PPM1B: variants seen among roughly 807,000 people sequenced by gnomAD.
PPM1B encodes protein phosphatase 1B.
A neutral mutation model predicts 43.0 loss-of-function variants in PPM1B; 22 were observed. That is an observed-to-expected ratio of 0.51 (90% CI 0.37 to 0.73). The LOEUF is 0.73. Among genes scored for constraint, PPM1B ranks in the 30% least tolerant of loss-of-function variants. PPM1B has a pLI of 0.00. For synonymous variants in PPM1B, 217 were observed against 197.9 expected (o/e 1.10, Z -0.81); for missense variants, 632 against 584.2 (o/e 1.08, Z -0.84).
chr2:44,188,398 T>C (rs1458155680), intron 1 of PPM1B, among the ~76,000 whole-genome samples: 90 of 146,530 alleles, frequency 6.1e-4, no homozygotes, highest in South Asian at 3.2e-3. Flanking sequence ...TCTTTCTTTT[T>C]TTTTTTTTTT....
rs993709270 is a variant in PPM1B at position 44,199,127 on chromosome 2, G to A, written c.-14-2059G>A. ...CAAAAAATTAGCTGGGTATGGTGGCGCGTGCCTGTAACCCCAGCTACCCGG... is the reference window on the plus strand; with the variant it reads ...CAAAAAATTAGCTGGGTATGGTGGCACGTGCCTGTAACCCCAGCTACCCGG... On this transcript the variant is annotated intron_variant, in intron 1 of 5. Coordinates refer to ENST00000282412, the MANE Select transcript of PPM1B (RefSeq NM_002706.6). Among the ~76,000 whole-genome samples the A allele has an allele frequency of 9.9e-5, 15 of 151,542 alleles. No homozygotes were observed. The South Asian group carries it at 2.5e-3, about 25-fold the overall frequency.
intron 1 of PPM1B, among the ~76,000 whole-genome samples, chr2:44,189,656 G>A (rs562607621): frequency 6.6e-6 from 1 of 152,130 alleles, no homozygotes; most frequent in East Asian, 1.9e-4. Context: ...GTAGAGATGG[G>A]GTTTCGCCAT....
intron 5 of PPM1B, among the ~76,000 whole-genome samples, chr2:44,222,382 C>T (rs1212061951): frequency 1.3e-5 from 2 of 152,146 alleles, no homozygotes; most frequent in Non-Finnish European, 2.9e-5. Flanking sequence ...GTATGAAAGT[C>T]TGTATTTATA....
At chr2:44,224,067 A>G (rs1018939971) in intron 5 of PPM1B, among the ~76,000 whole-genome samples, 28 of 152,088 alleles carry the variant, frequency 1.8e-4, no homozygotes, top group African/African-American at 6.7e-4. Context: ...TAGTTTAAAA[A>G]TTTTTTTGTC....
In PPM1B at chr2:44,201,449, G is replaced by C; in HGVS notation, c.250G>C (p.Asp84His). 1 of 1,614,174 alleles carries C rather than the reference G, an allele frequency of 6.2e-7. No homozygotes were observed. The highest frequency in any genetic ancestry group is 8.5e-7 in the Non-Finnish European group (1 of 1,180,024). The change falls in exon 2 of 6, where the codon GAC (aspartate) becomes CAC (histidine). Residue 84 changes from aspartate to histidine, a missense_variant. Physicochemically the swap from Asp to His is moderately conservative, Grantham distance 81. Around this residue, in one of 3 missense-constraint regions of PPM1B, gnomAD observed 200 missense variants for 200.7 expected, o/e 1.00. Transcript: ENST00000282412. This position sits in a 1 kb window ranked among gnomAD's most constrained non-coding sequence, Gnocchi z 5.4. ...ATTAGAACACATCACTACTAACGAA[G>C]ACTTTAGGGCAGCTGGAAAATCAGG... ...HLLEHITTNE[D>H]FRAAGKSGSA...
chr2:44,212,163 C>G (rs1428832982), intron 3 of PPM1B, among the ~76,000 whole-genome samples: 1 of 152,150 alleles, frequency 6.6e-6, no homozygotes, highest in African/African-American at 2.4e-5. Flanking sequence ...ATTGTATTAT[C>G]AACTGTTTCA....
chr2:44,191,602 A>G (rs943942070), intron 1 of PPM1B, among the ~76,000 whole-genome samples: 2 of 151,958 alleles, frequency 1.3e-5, no homozygotes, highest in African/African-American at 4.8e-5. Flanking sequence ...ACTCATGGTG[A>G]TACAAGTTAA....
chr2:44,211,003 G>C (rs866854848), intron 3 of PPM1B, among the ~76,000 whole-genome samples: 1 of 152,124 alleles, frequency 6.6e-6, no homozygotes, highest in African/African-American at 2.4e-5. Context: ...GGGCGTGGTG[G>C]CAGGTGCCTG....
chr2:44,198,236 C>T (rs1280911290), intron 1 of PPM1B, among the ~76,000 whole-genome samples: 1 of 152,184 alleles, frequency 6.6e-6, no homozygotes, highest in Non-Finnish European at 1.5e-5. Context: ...TCCCGGCTCA[C>T]CACAACCTCT....
downstream of PPM1B, among the ~76,000 whole-genome samples, chr2:44,237,756 C>A (rs1670656320): frequency 6.6e-6 from 1 of 152,086 alleles, no homozygotes. Context: ...ATGAAGAGGA[C>A]CAGTACCACC....
At chr2:44,194,735 A>G (rs552382456) in intron 1 of PPM1B, among the ~76,000 whole-genome samples, 4 of 152,092 alleles carry the variant, frequency 2.6e-5, no homozygotes, top group African/African-American at 9.6e-5. Flanking sequence ...AAAAAAGAAG[A>G]AGGCTGAGCA....
Position 44,224,178 on chromosome 2 carries a change from G to A in PPM1B, c.1134+5641G>A, listed in dbSNP as rs183360656. On this transcript the variant is annotated intron_variant, in intron 5 of 5. Transcript: ENST00000282412. ...ATTTTAAGAATTTTGGTTATGGGCC[G>A]GGCACAGTGGCTCACGCCTGTAATC... Among the ~76,000 whole-genome samples, 686 of 152,006 alleles carry A rather than the reference G, an allele frequency of 4.5e-3. 4 individuals carry two copies. Among genetic ancestry groups the A allele is most frequent in the African/African-American group, 0.016 (650 of 41,510 alleles).
At chr2:44,197,076 A>G (rs2104104711) in intron 1 of PPM1B, among the ~76,000 whole-genome samples, 1 of 152,330 alleles carries the variant, frequency 6.6e-6, no homozygotes, top group South Asian at 2.1e-4. Flanking sequence ...CAAAGGTAGT[A>G]CAGAGTCTTC....
intron 5 of PPM1B, among the ~76,000 whole-genome samples, chr2:44,242,799 T>G (rs1226009488): frequency 6.6e-6 from 1 of 152,178 alleles, no homozygotes; most frequent in Non-Finnish European, 1.5e-5. Flanking sequence ...GGATATTCTG[T>G]TTACATATTT....
downstream of PPM1B, among the ~76,000 whole-genome samples, chr2:44,237,579 CA>C (rs1211323529): frequency 2.0e-5 from 3 of 152,182 alleles, no homozygotes; most frequent in Non-Finnish European, 2.9e-5. Context: ...CAGTGGGACA[CA>C]AAAGAGCCAT....
chr2:44,187,758 C>CT (rs941943887), intron 1 of PPM1B, among the ~76,000 whole-genome samples: 2 of 151,446 alleles, frequency 1.3e-5, no homozygotes, highest in Non-Finnish European at 2.9e-5. Context: ...TTCACCTTTA[C>CT]TTTTTTTTTG....
intron 5 of PPM1B, chr2:44,230,191 A>T (rs1419081884): frequency 6.3e-6 from 9 of 1,420,838 alleles, no homozygotes; most frequent in Non-Finnish European, 8.3e-6. Context: ...GTGAAATAAG[A>T]CATAAACTAG....
chr2:44,237,435 T>C (rs992033984), downstream of PPM1B, among the ~76,000 whole-genome samples: 4 of 152,216 alleles, frequency 2.6e-5, no homozygotes, highest in African/African-American at 4.8e-5. Flanking sequence ...TTCAGTTTTA[T>C]TTTACCTGCA....
chr2:44,178,474 A>ATATTTT lies in PPM1B; in HGVS notation c.-15+9201_-15+9202insATTTTT, dbSNP rs1445760590. On this transcript the variant is annotated intron_variant, in intron 1 of 5. Transcript: ENST00000282412. ...TATGTATATATATATATATATATAT[A>ATATTTT]TTTTTTTTTTTAGACAGAGTTTCGC... is the stretch of plus-strand genomic sequence containing the variant. Among the ~76,000 whole-genome samples the ATATTTT allele has an allele frequency of 2.1e-4, 28 of 135,314 alleles. No individual in the cohort carries two copies. In the East Asian group the frequency reaches 3.9e-3, roughly 19 times the overall value. 88.8% of individuals were successfully genotyped at this position (135,314 alleles called of 152,430 possible).
Sources: gnomAD v4.1 joint callset for allele counts (sites outside exome capture counted in the v4.1 genomes callset) on GRCh38, gnomAD v4.1.1 for gene constraint, gnomAD v4.1.1 regional missense constraint, Gnocchi (gnomAD v3.1) non-coding constraint, MANE v1.5 for transcripts, NCBI Gene and HGNC (gene_info 2026-07-23, HGNC 2026-07-21) for gene names.